EFNB3: variants seen among roughly 807,000 people sequenced by gnomAD.
EFNB3 encodes ephrin-B3.
A neutral mutation model predicts 29.8 loss-of-function variants in EFNB3; 14 were observed. That is an observed-to-expected ratio of 0.47 (90% CI 0.31 to 0.73). EFNB3 has a LOEUF of 0.73. Ranked by LOEUF, EFNB3 falls within the 30% of genes least tolerant of loss-of-function variation. The pLI is 0.05. For missense variants in EFNB3, 408 were observed against 458.0 expected, an observed-to-expected ratio of 0.89 and a Z score of 1.00; for synonymous variants, 216 against 191.6, an observed-to-expected ratio of 1.13 and a Z score of -1.05.
rs992717832 is a variant in EFNB3, at chr17:7,709,992, C to T, written c.*416C>T. On this transcript the variant is annotated 3_prime_UTR_variant, in exon 5 of 5. Coordinates refer to ENST00000226091, the MANE Select transcript of EFNB3 (RefSeq NM_001406.4). This position sits in a 1 kb window ranked among gnomAD's most constrained non-coding sequence, Gnocchi z 4.5. ...TATCTCTTATTCTTTCCCTCTCTTC[C>T]GTCTCTAGGTCTGTTCTTCTTCCCT... 3 of 292,016 alleles carry T rather than the reference C, an allele frequency of 1.0e-5. No individual in the cohort carries two copies. The highest frequency in any genetic ancestry group is 3.1e-5 in the South Asian group (1 of 31,766). 18.1% of individuals were successfully genotyped at this position (292,016 alleles called of 1,614,324 possible).
At position 7,705,628 on chromosome 17, in the gene EFNB3, C is replaced by A; in HGVS notation, c.30C>A (p.Gly10=). 1 of 1,507,442 alleles carries A rather than the reference C, an allele frequency of 6.6e-7. No individual in the cohort carries two copies. The highest frequency in any genetic ancestry group is 8.7e-7 in the Non-Finnish European group (1 of 1,143,190). The allele number at this position is 1,507,442 out of a possible 1,614,324, so 93.4% of individuals were successfully genotyped here. ...GGCCCCCCCATTCTGGGCCGGGGGGCGTGCGAGTCGGGGCCCTGCTGCTGC... is the reference window on the plus strand; with the variant it reads ...GGCCCCCCCATTCTGGGCCGGGGGGAGTGCGAGTCGGGGCCCTGCTGCTGC... MGPPHSGPG[G]VRVGALLLLG... The change falls in exon 1 of 5, where the codon GGC becomes GGA. Residue 10 remains glycine (G), a synonymous_variant. Transcript: ENST00000226091. The surrounding 1 kb of genome is among the most constrained non-coding windows in gnomAD (Gnocchi z 5.4).
At chr17:7,706,962 G>A (rs2074329493) in intron 1 of EFNB3, among the ~76,000 whole-genome samples, 1 of 152,170 alleles carries the variant, frequency 6.6e-6, no homozygotes, top group Admixed American at 6.5e-5. Flanking sequence ...ACTCCCAGCT[G>A]CAATGTGAGT....
Position 7,709,724 on chromosome 17 carries a change from CT to C in EFNB3, c.*152del. The C allele has an allele frequency of 1.2e-6, 1 of 827,882 alleles. No homozygotes were observed. The highest frequency in any genetic ancestry group is 1.9e-6 in the Non-Finnish European group (1 of 513,244). The allele number at this position is 827,882 out of a possible 1,614,324, so 51.3% of individuals were successfully genotyped here. On this transcript the variant is annotated 3_prime_UTR_variant, in exon 5 of 5. Transcript: ENST00000226091. This position sits in a 1 kb window ranked among gnomAD's most constrained non-coding sequence, Gnocchi z 4.5. ...CTCCCGGCTGCTGTCCTCGTCTCCA[CT>C]TTTAGGATTCCTTAGGATTCCCACT...
Position 7,705,854 on chromosome 17 carries a change from TTAC to T in EFNB3, c.122+137_122+139del, listed in dbSNP as rs1407318530. The T allele has an allele frequency of 1.8e-6, 2 of 1,100,756 alleles. No individual in the cohort carries two copies. Among genetic ancestry groups the T allele is most frequent in the Non-Finnish European group, 2.5e-6 (2 of 797,276 alleles). 68.2% of individuals were successfully genotyped at this position (1,100,756 alleles called of 1,614,324 possible). ...TGCTGGTGCTCTGATGTGTGATGGG[TTAC>T]TAGACAGGTGATCTTGGGAGCCAGA... On this transcript the variant is annotated intron_variant, in intron 1 of 4. Transcript: ENST00000226091. The surrounding 1 kb of genome is among the most constrained non-coding windows in gnomAD (Gnocchi z 5.4).
intron 1 of EFNB3, among the ~76,000 whole-genome samples, chr17:7,707,042 G>C (rs2074329767): frequency 6.6e-6 from 1 of 152,138 alleles, no homozygotes; most frequent in South Asian, 2.1e-4. Flanking sequence ...GGGTGTCCTG[G>C]GGGCTCTTTC....
Position 7,708,043 on chromosome 17 carries a change from C to T in EFNB3, c.208C>T (p.Pro70Ser). Residue 70 changes from proline (P) to serine (S), a missense_variant, in exon 2 of 5, where the codon CCT (proline) becomes TCT (serine). Pro to Ser is a moderately conservative substitution (Grantham distance 74). Coordinates refer to ENST00000226091, the MANE Select transcript of EFNB3 (RefSeq NM_001406.4). The surrounding 1 kb of genome is among the most constrained non-coding windows in gnomAD (Gnocchi z 6.8). ...LLCPRARPPG[P>S]HSSPNYEFYK... is the part of the protein sequence containing the mutation. ...CTGCCCCCGGGCCCGGCCTCCTGGC[C>T]CTCACTCCTCTCCTAATTATGAGTT... The T allele has an allele frequency of 1.2e-6, 2 of 1,614,016 alleles. No homozygotes were observed. Among genetic ancestry groups the T allele is most frequent in the East Asian group, 2.2e-5 (1 of 44,854 alleles).
At position 7,709,075 on chromosome 17, in the gene EFNB3, G is replaced by A; in HGVS notation, c.614-92G>A. 7.7e-7 allele frequency: 1 copy of A among 1,299,314 alleles called. No individual in the cohort carries two copies. Among genetic ancestry groups the A allele is most frequent in the South Asian group, 1.2e-5 (1 of 80,154 alleles). The allele number at this position is 1,299,314 out of a possible 1,614,324, so 80.5% of individuals were successfully genotyped here. The stretch of plus-strand genomic sequence containing the variant: ...AAGGGGCCTGGGCGCTACAAGGGAA[G>A]CCCATGGGGACCCCCAGGGTTGGGT... On this transcript the variant is annotated intron_variant, in intron 4 of 4. Transcript: ENST00000226091. This position sits in a 1 kb window ranked among gnomAD's most constrained non-coding sequence, Gnocchi z 4.5.
rs1057428671 is a variant in EFNB3, at chr17:7,709,716, C to G, written c.*140C>G. 16 of 867,768 alleles carry G rather than the reference C, an allele frequency of 1.8e-5. No individual in the cohort carries two copies. Among genetic ancestry groups the G allele is most frequent in the Non-Finnish European group, 9.1e-6 (5 of 547,054 alleles). 53.8% of individuals were successfully genotyped at this position (867,768 alleles called of 1,614,324 possible). On this transcript the variant is annotated 3_prime_UTR_variant, in exon 5 of 5. Coordinates refer to ENST00000226091, the MANE Select transcript of EFNB3 (RefSeq NM_001406.4). The surrounding 1 kb of genome is among the most constrained non-coding windows in gnomAD (Gnocchi z 4.5). Reference sequence around the variant, plus strand: ...CTTCACTCCTCCCGGCTGCTGTCCTCGTCTCCACTTTTAGGATTCCTTAGG... The same window carrying G: ...CTTCACTCCTCCCGGCTGCTGTCCTGGTCTCCACTTTTAGGATTCCTTAGG...
At chr17:7,707,173 G>T (rs1263693675) in intron 1 of EFNB3, among the ~76,000 whole-genome samples, 1 of 152,192 alleles carries the variant, frequency 6.6e-6, no homozygotes, top group Non-Finnish European at 1.5e-5. Flanking sequence ...GGCTGCAGGG[G>T]TTGGCAAGTT....
Position 7,708,509 on chromosome 17 carries a change from C to T in EFNB3, c.490C>T (p.Leu164Phe). 6.2e-7 allele frequency: 1 copy of T among 1,613,890 alleles called. No homozygotes were observed. The highest frequency in any genetic ancestry group is 8.5e-7 in the Non-Finnish European group (1 of 1,179,904). ...GTGCCTAACCAGAGGCATGAAGGTG[C>T]TTCTCCGAGTGGGACAAAGTGAGTG... is the stretch of plus-strand genomic sequence containing the variant. The part of the protein sequence containing the change: ...GVCLTRGMKV[L>F]LRVGQSPRGG... The change falls in exon 3 of 5, where the codon CTT (leucine) becomes TTT (phenylalanine). Residue 164 changes from leucine (L) to phenylalanine (F), a missense_variant. Transcript: ENST00000226091. The surrounding 1 kb of genome is among the most constrained non-coding windows in gnomAD (Gnocchi z 6.8).
intron 1 of EFNB3, among the ~76,000 whole-genome samples, chr17:7,706,805 A>G (rs970343574): frequency 3.3e-5 from 5 of 152,204 alleles, no homozygotes; most frequent in African/African-American, 1.2e-4. Context: ...TTATGTGCTC[A>G]TTAAAGGAGA....
chr17:7,705,572 C>A lies in EFNB3; in HGVS notation c.-27C>A. 1.5e-6 allele frequency: 2 copies of A among 1,336,522 alleles called. No homozygotes were observed. The highest frequency in any genetic ancestry group is 2.0e-6 in the Non-Finnish European group (2 of 1,011,664). 82.8% of individuals were successfully genotyped at this position (1,336,522 alleles called of 1,614,324 possible). On this transcript the variant is annotated 5_prime_UTR_variant, in exon 1 of 5. Coordinates refer to ENST00000226091, the MANE Select transcript of EFNB3 (RefSeq NM_001406.4). The surrounding 1 kb of genome is among the most constrained non-coding windows in gnomAD (Gnocchi z 5.4). ...GTGGGCGACTTTGGGGGAGTTGGTG[C>A]CCCGCCCCCCAGGCCTTGGCGGGGT...
In EFNB3 at chr17:7,710,938, G is replaced by C. The variant is rs1351746413; in HGVS notation, c.*1362G>C. On this transcript the variant is annotated 3_prime_UTR_variant, in exon 5 of 5. Transcript: ENST00000226091. ...CATCCTACATTTCTGACTCCTTTCA[G>C]ACTCAACACAGTTCCCTTCTTAGTG... 1 of 152,640 alleles carries C rather than the reference G, an allele frequency of 6.6e-6. No individual in the cohort carries two copies. Among genetic ancestry groups the C allele is most frequent in the East Asian group, 1.9e-4 (1 of 5,200 alleles). 9.5% of individuals were successfully genotyped at this position (152,640 alleles called of 1,614,324 possible). A position where few individuals can be genotyped will look rare whatever the true frequency, so the allele number is the denominator to read the frequency against.
Position 7,709,746 on chromosome 17 carries a change from C to T in EFNB3, c.*170C>T. ...CCACTTTTAGGATTCCTTAGGATTC[C>T]CACTGCCCCACTTCCTGCCCTCCCG... is the stretch of plus-strand genomic sequence containing the variant. On this transcript the variant is annotated 3_prime_UTR_variant, in exon 5 of 5. Coordinates refer to ENST00000226091, the MANE Select transcript of EFNB3 (RefSeq NM_001406.4). The surrounding 1 kb of genome is among the most constrained non-coding windows in gnomAD (Gnocchi z 4.5). The T allele has an allele frequency of 1.4e-6, 1 of 721,582 alleles. No homozygotes were observed. The highest frequency in any genetic ancestry group is 2.4e-6 in the Non-Finnish European group (1 of 423,736). 44.7% of individuals were successfully genotyped at this position (721,582 alleles called of 1,614,324 possible).
Position 7,708,322 on chromosome 17 carries a change from C to G in EFNB3, c.415+72C>G. 1 of 1,583,736 alleles carries G rather than the reference C, an allele frequency of 6.3e-7. No individual in the cohort carries two copies. Among genetic ancestry groups the G allele is most frequent in the Non-Finnish European group, 8.6e-7 (1 of 1,163,648 alleles). Reference sequence around the variant, plus strand: ...GAGCAGAGAGGGAGGGGGACCCCTGCAGCCAAGAGGGAGATCCCAGTGCCC... The same window carrying G: ...GAGCAGAGAGGGAGGGGGACCCCTGGAGCCAAGAGGGAGATCCCAGTGCCC... On this transcript the variant is annotated intron_variant, in intron 2 of 4. Transcript: ENST00000226091. The surrounding 1 kb of genome is among the most constrained non-coding windows in gnomAD (Gnocchi z 6.8).
At position 7,708,568 on chromosome 17, in the gene EFNB3, G is replaced by T; in HGVS notation, c.508+41G>T. 6.2e-7 allele frequency: 1 copy of T among 1,603,472 alleles called. No homozygotes were observed. The highest frequency in any genetic ancestry group is 8.5e-7 in the Non-Finnish European group (1 of 1,174,616). On this transcript the variant is annotated intron_variant, in intron 3 of 4. Transcript: ENST00000226091. This position sits in a 1 kb window ranked among gnomAD's most constrained non-coding sequence, Gnocchi z 6.8. ...GGACACCTCCTGGGCACGAAGGGAC[G>T]TTGGGGCAGTACGATCATGGTTGGG...
Position 7,710,940 on chromosome 17 carries a change from C to T in EFNB3, c.*1364C>T, listed in dbSNP as rs1434568211. ...TCCTACATTTCTGACTCCTTTCAGA[C>T]TCAACACAGTTCCCTTCTTAGTGAC... On this transcript the variant is annotated 3_prime_UTR_variant, in exon 5 of 5. Transcript: ENST00000226091. 1 of 152,706 alleles carries T rather than the reference C, an allele frequency of 6.5e-6. No individual in the cohort carries two copies. The highest frequency in any genetic ancestry group is 1.5e-5 in the Non-Finnish European group (1 of 68,070). 9.5% of individuals were successfully genotyped at this position (152,706 alleles called of 1,614,324 possible).
chr17:7,706,266 G>A (rs1290345343), intron 1 of EFNB3, among the ~76,000 whole-genome samples: 1 of 151,886 alleles, frequency 6.6e-6, no homozygotes, highest in Non-Finnish European at 1.5e-5. Flanking sequence ...GAGGGTCAGT[G>A]AACTGTTGGC....
In EFNB3 at chr17:7,705,667, G is replaced by A; in HGVS notation, c.69G>A (p.Gly23=). 2 of 1,532,848 alleles carry A rather than the reference G, an allele frequency of 1.3e-6. No individual in the cohort carries two copies. The highest frequency in any genetic ancestry group is 1.3e-5 in the South Asian group (1 of 79,804). The allele number at this position is 1,532,848 out of a possible 1,614,324, so 95.0% of individuals were successfully genotyped here. A position where few individuals can be genotyped will look rare whatever the true frequency, so the allele number is the denominator to read the frequency against. ...VGALLLLGVL[G]LVSGLSLEPV... is the part of the protein sequence containing the mutation. ...CCCTGCTGCTGCTGGGGGTTTTGGG[G>A]CTGGTGTCTGGGCTCAGCCTGGAGC... Residue 23 remains glycine (G), a synonymous_variant, in exon 1 of 5, where the codon GGG becomes GGA. Transcript: ENST00000226091. This position sits in a 1 kb window ranked among gnomAD's most constrained non-coding sequence, Gnocchi z 5.4.
Sources: gnomAD v4.1 joint callset for allele counts (sites outside exome capture counted in the v4.1 genomes callset) on GRCh38, gnomAD v4.1.1 for gene constraint, Gnocchi (gnomAD v3.1) non-coding constraint, MANE v1.5 for transcripts, NCBI Gene and HGNC (gene_info 2026-07-23, HGNC 2026-07-21) for gene names.